MLLT3: variants seen among roughly 807,000 people sequenced by gnomAD.
MLLT3 encodes protein AF-9.
In MLLT3, 4 loss-of-function variants were observed where a neutral mutation model predicts 53.2. That is an observed-to-expected ratio of 0.08 (90% CI 0.04 to 0.17). The LOEUF is 0.17. MLLT3 is among the 10% of genes least tolerant of loss of function. The probability of loss-of-function intolerance (pLI) is 1.00; values close to 1 mark genes in which losing one functional copy is unlikely to be tolerated. For synonymous variants in MLLT3, 283 were observed against 230.6 expected (o/e 1.23, Z -2.06); for missense variants, 569 against 684.0 (o/e 0.83, Z 1.87).
At chr9:20,542,405 C>T (rs907516026) in intron 2 of MLLT3, among the ~76,000 whole-genome samples, 11 of 152,078 alleles carry the variant, frequency 7.2e-5, no homozygotes, top group East Asian at 1.9e-4. Flanking sequence ...CGCCCGCCAC[C>T]GCGCCCGGCT....
chr9:20,372,200 T>G (rs1821623729), intron 5 of MLLT3, among the ~76,000 whole-genome samples: 1 of 152,146 alleles, frequency 6.6e-6, no homozygotes, highest in Non-Finnish European at 1.5e-5. Flanking sequence ...CTGGTGAAAA[T>G]GCTAGGAACA....
At chr9:20,432,889 A>G (rs930434039) in intron 4 of MLLT3, among the ~76,000 whole-genome samples, 2 of 152,076 alleles carry the variant, frequency 1.3e-5, no homozygotes, top group Non-Finnish European at 2.9e-5. Flanking sequence ...CACCTGGACT[A>G]ATGGCTGACC....
chr9:20,504,350 T>TTGTGTG (rs71334530), intron 2 of MLLT3, among the ~76,000 whole-genome samples: 29,766 of 148,940 alleles, frequency 0.2, 2,960 homozygotes, highest in Middle Eastern at 0.3. Flanking sequence ...CCCAATGGAA[T>TTGTGTG]TGTGTGTGTG....
At chr9:20,455,936 T>TC (rs1823955667) in intron 3 of MLLT3, among the ~76,000 whole-genome samples, 1 of 145,234 alleles carries the variant, frequency 6.9e-6, no homozygotes, top group Non-Finnish European at 1.5e-5. Flanking sequence ...ACTTTTTTTT[T>TC]TTTTTTTTTT....
intron 2 of MLLT3, among the ~76,000 whole-genome samples, chr9:20,613,043 G>A (rs1030827768): frequency 2.6e-5 from 4 of 152,072 alleles, no homozygotes; most frequent in African/African-American, 9.7e-5. Flanking sequence ...AAACAGAAAA[G>A]TAAAGTATAC....
chr9:20,612,514 T>A (rs1033246483), intron 2 of MLLT3, among the ~76,000 whole-genome samples: 2 of 152,084 alleles, frequency 1.3e-5, no homozygotes, highest in East Asian at 3.9e-4. Context: ...AGCTTGCATA[T>A]GGCAAAAAGA....
At chr9:20,524,660 G>C (rs1818153485) in intron 2 of MLLT3, among the ~76,000 whole-genome samples, 1 of 152,046 alleles carries the variant, frequency 6.6e-6, no homozygotes, top group South Asian at 2.1e-4. Context: ...GCACAGGGTA[G>C]CTGTCATGAA....
At chr9:20,349,840 T>A (rs775744199) in intron 10 of MLLT3, among the ~76,000 whole-genome samples, 11 of 152,164 alleles carry the variant, frequency 7.2e-5, no homozygotes, top group Non-Finnish European at 1.3e-4. Flanking sequence ...GGGGATCTGA[T>A]AAATCTAACT....
At chr9:20,363,267 T>A (rs1821370035) in intron 7 of MLLT3, 1 of 497,708 alleles carries the variant, frequency 2.0e-6, no homozygotes, top group African/African-American at 2.0e-5. Context: ...CCTATAAAAA[T>A]TTTTAGAGGA....
rs116895851 is a variant in MLLT3, at chr9:20,368,870, T to C, written c.1126-3126A>G. 7.3e-3 allele frequency among the ~76,000 whole-genome samples: 1,113 copies of C among 152,326 alleles called. 11 individuals carry two copies. Among genetic ancestry groups the C allele is most frequent in the Non-Finnish European group, 0.011 (737 of 68,038 alleles). ...AGCTGGATAAAAAAGGATAAAATGC[T>C]GAAGAGTGGGCAACAAGGCAATGTC... On this transcript the variant is annotated intron_variant, in intron 5 of 10. Coordinates refer to ENST00000380338, the MANE Select transcript of MLLT3 (RefSeq NM_004529.4).
At chr9:20,539,150 G>T (rs1014097547) in intron 2 of MLLT3, among the ~76,000 whole-genome samples, 32 of 152,146 alleles carry the variant, frequency 2.1e-4, no homozygotes, top group Non-Finnish European at 3.1e-4. Flanking sequence ...TTGCTACATG[G>T]ATTGACTCAT....
chr9:20,597,850 T>G (rs530047527), intron 2 of MLLT3, among the ~76,000 whole-genome samples: 1 of 152,246 alleles, frequency 6.6e-6, no homozygotes, highest in South Asian at 2.1e-4. Flanking sequence ...AGAAGCTTAC[T>G]AATATTTTTT....
chr9:20,378,827 C>T (rs1269386250), intron 5 of MLLT3, among the ~76,000 whole-genome samples: 1 of 152,010 alleles, frequency 6.6e-6, no homozygotes, highest in African/African-American at 2.4e-5. Flanking sequence ...ATTTACAAGA[C>T]AGCCCTCATG....
At chr9:20,408,271 G>GC (rs796550405) in intron 5 of MLLT3, among the ~76,000 whole-genome samples, 4 of 144,560 alleles carry the variant, frequency 2.8e-5, no homozygotes, top group Admixed American at 1.4e-4. Flanking sequence ...GCCTCCAACT[G>GC]TTTTTTTTTT....
At chr9:20,501,336 AAGAC>A (rs1369263146) in intron 2 of MLLT3, among the ~76,000 whole-genome samples, 2 of 152,216 alleles carry the variant, frequency 1.3e-5, no homozygotes, top group African/African-American at 4.8e-5. Context: ...GAAGGCAAAT[AAGAC>A]AGTTTCCTTC....
At chr9:20,485,535 C>G (rs1824787646) in intron 2 of MLLT3, among the ~76,000 whole-genome samples, 1 of 152,182 alleles carries the variant, frequency 6.6e-6, no homozygotes, top group Non-Finnish European at 1.5e-5. Flanking sequence ...TATAATATCA[C>G]TACACTTGTT....
At chr9:20,365,600 A>G (rs534089028) in intron 6 of MLLT3, 69 bp downstream of exon 6, 2 of 1,558,704 alleles carry the variant, frequency 1.3e-6, no homozygotes, top group African/African-American at 2.7e-5. Context: ...CACCCGTGTC[A>G]GCCTCCCAAA....
chr9:20,601,734 G>C (rs1820426885), intron 2 of MLLT3, among the ~76,000 whole-genome samples: 1 of 152,050 alleles, frequency 6.6e-6, no homozygotes, highest in African/African-American at 2.4e-5. Context: ...GTTCCTTTGA[G>C]AAAATGAAGC....
At chr9:20,571,472 G>A (rs1383246321) in intron 2 of MLLT3, among the ~76,000 whole-genome samples, 3 of 152,074 alleles carry the variant, frequency 2.0e-5, no homozygotes, top group African/African-American at 7.2e-5. Context: ...TTAAGTTCTG[G>A]GATACATGTG....
Sources: gnomAD v4.1 joint callset for allele counts (sites outside exome capture counted in the v4.1 genomes callset) on GRCh38, gnomAD v4.1.1 for gene constraint, MANE v1.5 for transcripts, NCBI Gene and HGNC (gene_info 2026-07-23, HGNC 2026-07-21) for gene names.